The following DOCK9 variants were observed in gnomAD, a reference collection of about 807,000 sequenced individuals.
DOCK9 encodes dedicator of cytokinesis protein 9.
In DOCK9, 89 loss-of-function variants were observed where a neutral mutation model predicts 263.3. That is an observed-to-expected ratio of 0.34 (90% CI 0.28 to 0.40). DOCK9 has a LOEUF of 0.40. DOCK9 is among the 10% of genes least tolerant of loss of function. The probability of loss-of-function intolerance (pLI) is 1.00; values close to 1 mark genes in which losing one functional copy is unlikely to be tolerated. For missense variants in DOCK9, 2,140 were observed against 2,603.4 expected (o/e 0.82, Z 3.87); for synonymous variants, 976 against 973.1 (o/e 1.00, Z -0.06).
chr13:98,914,791 G>A (rs2050622790), intron 8 of DOCK9, among the ~76,000 whole-genome samples: 1 of 152,168 alleles, frequency 6.6e-6, no homozygotes, highest in Non-Finnish European at 1.5e-5. Context: ...GGGGAAGCCA[G>A]GGTTGGGAAT....
At chr13:98,823,082 T>C (rs1458254001) in intron 45 of DOCK9, among the ~76,000 whole-genome samples, 1 of 152,002 alleles carries the variant, frequency 6.6e-6, no homozygotes, top group Admixed American at 6.5e-5. Context: ...ATAAGCCTAT[T>C]ACATATTTTA....
chr13:98,806,973 T>C (rs779284023), intron 48 of DOCK9, among the ~76,000 whole-genome samples: 9 of 152,148 alleles, frequency 5.9e-5, no homozygotes, highest in Non-Finnish European at 1.0e-4. Flanking sequence ...ATTCTAATTG[T>C]ATCCAAACCT....
chr13:99,038,340 T>C (rs368267557), intron 1 of DOCK9, among the ~76,000 whole-genome samples: 1 of 120,206 alleles, frequency 8.3e-6, no homozygotes. Context: ...GTCTCACTCC[T>C]GTTGCCCAGG....
At chr13:98,918,696 A>G (rs1163051219) in intron 7 of DOCK9, among the ~76,000 whole-genome samples, 1 of 152,242 alleles carries the variant, frequency 6.6e-6, no homozygotes, top group Non-Finnish European at 1.5e-5. Context: ...TGAATGCAAA[A>G]ATTAAGATAT....
chr13:98,876,239 C>G (rs139661378), intron 27 of DOCK9, among the ~76,000 whole-genome samples: 1,713 of 152,284 alleles, frequency 0.011, 36 homozygotes, highest in African/African-American at 0.039. Flanking sequence ...CGCCTGTAAT[C>G]CCAGCACTTT....
At chr13:98,973,556 T>C (rs141484503) in intron 1 of DOCK9, among the ~76,000 whole-genome samples, 371 of 152,268 alleles carry the variant, frequency 2.4e-3, no homozygotes, top group African/African-American at 8.7e-3. Flanking sequence ...CACTTGAGGA[T>C]CCCAGGAAAA....
At chr13:98,949,098 G>C (rs545506188) in intron 2 of DOCK9, among the ~76,000 whole-genome samples, 113 of 152,128 alleles carry the variant, frequency 7.4e-4, no homozygotes, top group African/African-American at 2.6e-3. Context: ...TTTGAGACAG[G>C]GTTTCCCTCT....
At chr13:99,038,046 C>T (rs977991031) in intron 1 of DOCK9, among the ~76,000 whole-genome samples, 2 of 152,014 alleles carry the variant, frequency 1.3e-5, no homozygotes, top group African/African-American at 4.8e-5. Context: ...TGTATATAGT[C>T]AAAACTTATC....
At chr13:99,002,576 C>T (rs1190891457) in intron 1 of DOCK9, among the ~76,000 whole-genome samples, 6 of 152,360 alleles carry the variant, frequency 3.9e-5, no homozygotes, top group South Asian at 2.1e-4. Flanking sequence ...TTTGGTTGCT[C>T]ATGGAATTCA....
At chr13:98,834,378 G>A (rs1256992760) in intron 39 of DOCK9, 1 of 152,182 alleles carries the variant, frequency 6.6e-6, no homozygotes, top group African/African-American at 2.4e-5. Flanking sequence ...TGTTACAGAT[G>A]CTTGCCAATC....
intron 5 of DOCK9, 118 bp from the exon 6 acceptor site, chr13:98,922,264 C>T (rs1398925520): frequency 1.5e-6 from 1 of 669,944 alleles, no homozygotes; most frequent in East Asian, 2.8e-5. Context: ...TGCCCCTTTA[C>T]TGAAGCACCC....
chr13:98,990,858 C>T (rs537492989), intron 1 of DOCK9, among the ~76,000 whole-genome samples: 1 of 152,276 alleles, frequency 6.6e-6, no homozygotes, highest in South Asian at 2.1e-4. Context: ...CTAAAGTAGT[C>T]AAAAGAACCA....
intron 2 of DOCK9, among the ~76,000 whole-genome samples, chr13:98,954,350 T>G (rs1567079160): frequency 6.6e-6 from 1 of 151,892 alleles, no homozygotes; most frequent in Non-Finnish European, 1.5e-5. Flanking sequence ...GAGAAAGAAG[T>G]GCCAGGATCA....
chr13:99,059,072 G>A (rs1321387449), intron 1 of DOCK9, among the ~76,000 whole-genome samples: 3 of 152,106 alleles, frequency 2.0e-5, no homozygotes, highest in African/African-American at 7.2e-5. Context: ...TAAATGGTGA[G>A]GGACCCACTC....
At chr13:99,022,286 C>G (rs1009147463) in intron 1 of DOCK9, among the ~76,000 whole-genome samples, 11 of 152,260 alleles carry the variant, frequency 7.2e-5, no homozygotes, top group Non-Finnish European at 1.6e-4. Flanking sequence ...CTGCCTGGAC[C>G]ACTCTGAAGT....
chr13:98,985,838 A>C (rs1387693817), intron 1 of DOCK9, among the ~76,000 whole-genome samples: 1 of 152,130 alleles, frequency 6.6e-6, no homozygotes, highest in African/African-American at 2.4e-5. Flanking sequence ...CCCCTACCCC[A>C]CCCCACGCCC....
At chr13:99,022,760 T>C (rs1339711393) in intron 1 of DOCK9, among the ~76,000 whole-genome samples, 1 of 152,016 alleles carries the variant, frequency 6.6e-6, no homozygotes, top group African/African-American at 2.4e-5. Context: ...CTGAGCAACA[T>C]AGCAAGACCC....
intron 9 of DOCK9, among the ~76,000 whole-genome samples, chr13:98,908,069 G>A (rs572692842): frequency 6.6e-6 from 1 of 152,188 alleles, no homozygotes; most frequent in South Asian, 2.1e-4. Context: ...TCTAACTCAG[G>A]TTGCCTGGCT....
chr13:98,859,005 G>A (rs573851875), intron 33 of DOCK9: 5 of 152,258 alleles, frequency 3.3e-5, no homozygotes, highest in Non-Finnish European at 5.9e-5. Context: ...TCCCTCTAAC[G>A]ACCGTTTTGA....
Sources: gnomAD v4.1 joint callset for allele counts (sites outside exome capture counted in the v4.1 genomes callset) on GRCh38, gnomAD v4.1.1 for gene constraint, MANE v1.5 for transcripts, NCBI Gene and HGNC (gene_info 2026-07-23, HGNC 2026-07-21) for gene names.